Variants in MON2 observed in about 807,000 individuals in gnomAD.
MON2 encodes protein MON2 homolog.
A neutral mutation model predicts 208.6 loss-of-function variants in MON2; 84 were observed. That is an observed-to-expected ratio of 0.40 (90% CI 0.34 to 0.48). The LOEUF is 0.48. MON2 is among the 20% of genes least tolerant of loss of function. The pLI, the probability that MON2 is intolerant of heterozygous loss-of-function variation, is 0.59. For missense variants in MON2, 1,611 were observed against 2,015.4 expected, an observed-to-expected ratio of 0.80 and a Z score of 3.84; for synonymous variants, 660 against 694.0, an observed-to-expected ratio of 0.95 and a Z score of 0.77.
At chr12:62,519,686 G>A (rs1275314452) in intron 8 of MON2, among the ~76,000 whole-genome samples, 1 of 152,122 alleles carries the variant, frequency 6.6e-6, no homozygotes, top group Non-Finnish European at 1.5e-5. Context: ...TTTTTTTTGG[G>A]TTGACACATA....
chr12:62,536,789 A>C (rs1216492001), intron 14 of MON2, among the ~76,000 whole-genome samples: 2 of 151,612 alleles, frequency 1.3e-5, no homozygotes, highest in African/African-American at 4.9e-5. Context: ...CCTGAATTCA[A>C]GCAATTCTCC....
chr12:62,544,956 T>A lies in MON2; in HGVS notation c.2525T>A (p.Leu842His). 6 of 1,608,786 alleles carry A rather than the reference T, an allele frequency of 3.7e-6. No individual in the cohort carries two copies. Among genetic ancestry groups the A allele is most frequent in the Non-Finnish European group, 4.2e-6 (5 of 1,177,554 alleles). Residue 842 changes from leucine to histidine, a missense_variant, in exon 21 of 35, where the codon CTT becomes CAT. Transcript: ENST00000393630. Reference sequence around the variant, plus strand: ...TGGGGAGCAGAAGCTTTAACTTCTCTTATTAAAGCAGGATTAACATTTAAC... The same window carrying A: ...TGGGGAGCAGAAGCTTTAACTTCTCATATTAAAGCAGGATTAACATTTAAC... ...REWGAEALTS[L>H]IKAGLTFNHD...
At position 62,524,580 on chromosome 12, in the gene MON2, G is replaced by T. The variant is rs760184486; in HGVS notation, c.1050G>T (p.Trp350Cys). Residue 350 changes from tryptophan (W) to cysteine (C), a missense_variant, in exon 9 of 35, where the codon TGG (tryptophan) becomes TGT (cysteine). By Grantham distance (215) the Trp-to-Cys change is radical. Coordinates refer to ENST00000393630, the MANE Select transcript of MON2 (RefSeq NM_015026.3). ...VKFLDADKPQ[W>C]LRAVAVESIH... ...TTCTGGATGCAGATAAACCACAGTG[G>T]CTACGAGCTGTTGCGGTGGAATCAA... 2 of 1,613,544 alleles carry T rather than the reference G, an allele frequency of 1.2e-6. No homozygotes were observed. The highest frequency in any genetic ancestry group is 2.2e-5 in the East Asian group (1 of 44,854).
In MON2 at chr12:62,493,923, G is replaced by A; in HGVS notation, c.184G>A (p.Glu62Lys). Residue 62 changes from glutamate to lysine, a missense_variant, in exon 3 of 35, where the codon GAG (glutamate) becomes AAG (lysine). By Grantham distance (56) the Glu-to-Lys change is moderately conservative. Transcript: ENST00000393630. ...ATGTGTTCTAAATGAAGCACTGAAAGAGAACAGCTCAGAGGTTGTACAGCC... is the reference window on the plus strand; with the variant it reads ...ATGTGTTCTAAATGAAGCACTGAAAAAGAACAGCTCAGAGGTTGTACAGCC... ...RNTEILAALK[E>K]NSSEVVQPFL... The A allele has an allele frequency of 6.3e-7, 1 of 1,583,782 alleles. No homozygotes were observed. The highest frequency in any genetic ancestry group is 8.6e-7 in the Non-Finnish European group (1 of 1,162,688).
chr12:62,571,654 G>GTCTATAAAGTGATCAGC, intron 30 of MON2, 72 bp downstream of exon 30: 1 of 1,241,194 alleles, frequency 8.1e-7, no homozygotes, highest in Non-Finnish European at 1.1e-6. Flanking sequence ...AAAAACAGTT[G>GTCTATAAAGTGATCAGC]TCTTTATTCA....
At chr12:62,547,345 A>C (rs1464054019) in intron 22 of MON2, among the ~76,000 whole-genome samples, 1 of 152,182 alleles carries the variant, frequency 6.6e-6, no homozygotes, top group African/African-American at 2.4e-5. Context: ...ACATTCATGC[A>C]AGAATACATG....
At position 62,597,678 on chromosome 12, in the gene MON2, T is replaced by C. The variant is rs2075555707; in HGVS notation, c.*4929T>C. 6.6e-6 allele frequency: 1 copy of C among 152,146 alleles called. No homozygotes were observed. The highest frequency in any genetic ancestry group is 6.6e-5 in the Admixed American group (1 of 15,266). The allele number at this position is 152,146 out of a possible 1,614,324, so 9.4% of individuals were successfully genotyped here. A position where few individuals can be genotyped will look rare whatever the true frequency, so the allele number is the denominator to read the frequency against. On this transcript the variant is annotated 3_prime_UTR_variant, in exon 35 of 35. Transcript: ENST00000393630. Reference sequence around the variant, plus strand: ...AATATGATGGATTCAGCACCTAAATTTGGAATAATCATGTCTTTTCTGTTA... The same window carrying C: ...AATATGATGGATTCAGCACCTAAATCTGGAATAATCATGTCTTTTCTGTTA...
intron 2 of MON2, among the ~76,000 whole-genome samples, chr12:62,488,999 TAAAG>T (rs770224658): frequency 2.0e-5 from 3 of 152,002 alleles, no homozygotes; most frequent in Non-Finnish European, 2.9e-5. Flanking sequence ...TAAACTATAA[TAAAG>T]AAAAAGAAAT....
intron 22 of MON2, among the ~76,000 whole-genome samples, chr12:62,549,105 T>C (rs1018756079): frequency 2.6e-5 from 4 of 152,172 alleles, no homozygotes; most frequent in African/African-American, 9.6e-5. Context: ...ATAGAAGTAA[T>C]ATGATGTTAA....
chr12:62,477,473 C>T (rs757535627), intron 1 of MON2, among the ~76,000 whole-genome samples: 1 of 151,864 alleles, frequency 6.6e-6, no homozygotes, highest in East Asian at 1.9e-4. Context: ...TTGCCCAGGC[C>T]GGAGTGTGGC....
intron 23 of MON2, among the ~76,000 whole-genome samples, chr12:62,550,688 C>T (rs949242781): frequency 2.6e-5 from 4 of 152,146 alleles, no homozygotes; most frequent in Non-Finnish European, 5.9e-5. Flanking sequence ...ATGGTGATAA[C>T]GTCTTTTCTT....
At chr12:62,549,516 C>A in intron 22 of MON2, 152 bp from the exon 23 acceptor site, 1 of 511,162 alleles carries the variant, frequency 2.0e-6, no homozygotes. Flanking sequence ...ACTGGGGAAG[C>A]TGAGGTGGGA....
chr12:62,508,233 T>C, intron 7 of MON2, 53 bp from the exon 8 acceptor site: 1 of 1,417,956 alleles, frequency 7.1e-7, no homozygotes, highest in East Asian at 2.3e-5. Flanking sequence ...TTTGGAAGTA[T>C]TAAGTACAAA....
In MON2 at chr12:62,560,997, G is replaced by A; in HGVS notation, c.3916G>A (p.Ala1306Thr). 1 of 1,613,920 alleles carries A rather than the reference G, an allele frequency of 6.2e-7. No individual in the cohort carries two copies. The highest frequency in any genetic ancestry group is 1.7e-5 in the Admixed American group (1 of 60,008). Residue 1306 changes from alanine to threonine, a missense_variant, in exon 26 of 35, where the codon GCT becomes ACT. Transcript: ENST00000393630. ...AAAGTTGGGAGTCATATTGCACAGT[G>A]CTATTTCAGTCCCAATAAGTTCAGA... ...LQKLGVILHS[A>T]ISVPISSDAS...
At chr12:62,588,785 C>A in intron 34 of MON2, 1 of 796,390 alleles carries the variant, frequency 1.3e-6, no homozygotes, top group Non-Finnish European at 2.0e-6. Context: ...TTCATTTCCC[C>A]TACTCTGCAC....
chr12:62,555,423 A>G (rs926685273), intron 24 of MON2, among the ~76,000 whole-genome samples: 9 of 152,058 alleles, frequency 5.9e-5, no homozygotes, highest in East Asian at 1.9e-4. Flanking sequence ...GGCTCAAGCA[A>G]TCTGCCCACC....
intron 1 of MON2, among the ~76,000 whole-genome samples, chr12:62,479,429 TATC>T (rs1225273099): frequency 2.0e-5 from 1 of 50,910 alleles, no homozygotes; most frequent in Non-Finnish European, 4.3e-5. Context: ...TGTGTGTGTA[TATC>T]CCCCCCCCCC....
In MON2 at chr12:62,585,283, T is replaced by G. The variant is rs371341171; in HGVS notation, c.4700-11T>G. On this transcript the variant is annotated splice_polypyrimidine_tract_variant and intron_variant, in intron 32 of 34. Coordinates refer to ENST00000393630, the MANE Select transcript of MON2 (RefSeq NM_015026.3). ...ACTTCTATTAACCATCAAAATTTGT[T>G]AATTTTACAGAAGCAGAGATTGATA... 1.9e-6 allele frequency: 3 copies of G among 1,599,340 alleles called. No homozygotes were observed. In the African/African-American group the frequency reaches 4.0e-5, roughly 21 times the overall value.
At chr12:62,583,983 A>G (rs1175459184) in intron 32 of MON2, among the ~76,000 whole-genome samples, 2 of 151,392 alleles carry the variant, frequency 1.3e-5, no homozygotes, top group Non-Finnish European at 2.9e-5. Flanking sequence ...AACAAAAAAA[A>G]AAAACAGACA....
Sources: allele counts gnomAD v4.1 joint callset (sites outside exome capture counted in the v4.1 genomes callset), GRCh38; gene constraint gnomAD v4.1.1; transcripts MANE v1.5; gene names NCBI Gene and HGNC (gene_info 2026-07-23, HGNC 2026-07-21).